Variants in LRRC1 observed in about 807,000 individuals in gnomAD.
LRRC1 encodes leucine-rich repeat-containing protein 1.
LRRC1 carries 28 observed loss-of-function variants against 69.9 expected under a neutral mutation model. The ratio of observed to expected loss-of-function variants is 0.40; its 90% CI spans 0.30 to 0.55. LRRC1 has a LOEUF of 0.55. LRRC1 is among the 20% of genes least tolerant of loss of function. The pLI is 0.47. For missense variants in LRRC1, 498 were observed against 609.0 expected, an observed-to-expected ratio of 0.82 and a Z score of 1.92; for synonymous variants, 236 against 240.2, an observed-to-expected ratio of 0.98 and a Z score of 0.16.
chr6:53,832,108 C>G (rs899085533), intron 1 of LRRC1, among the ~76,000 whole-genome samples: 2 of 152,154 alleles, frequency 1.3e-5, no homozygotes, highest in African/African-American at 4.8e-5. Context: ...TCATAGGAAT[C>G]TTTGATCCTA....
At chr6:53,882,852 A>G (rs538964107) in intron 3 of LRRC1, 35 bp from the exon 4 acceptor site, 2 of 1,389,100 alleles carry the variant, frequency 1.4e-6, no homozygotes, top group East Asian at 4.6e-5. Context: ...GAACTTTTTT[A>G]ATTTACAGCG....
intron 1 of LRRC1, among the ~76,000 whole-genome samples, chr6:53,821,918 T>C (rs1765128505): frequency 6.7e-6 from 1 of 150,108 alleles, no homozygotes; most frequent in African/African-American, 2.4e-5. Context: ...GTTTTTCTCT[T>C]TTTTTTTTAG....
chr6:53,866,102 A>G (rs1194520741), intron 2 of LRRC1, among the ~76,000 whole-genome samples: 2 of 152,100 alleles, frequency 1.3e-5, no homozygotes. Flanking sequence ...GAGGAGACCA[A>G]GAAAGCATAT....
chr6:53,873,840 T>G (rs1437040356), intron 2 of LRRC1, among the ~76,000 whole-genome samples: 1 of 152,240 alleles, frequency 6.6e-6, no homozygotes, highest in African/African-American at 2.4e-5. Flanking sequence ...GAAAAAAGCT[T>G]TCAACTTTTC....
intron 4 of LRRC1, among the ~76,000 whole-genome samples, chr6:53,895,408 G>A (rs1767837775): frequency 6.6e-6 from 1 of 152,172 alleles, no homozygotes; most frequent in African/African-American, 2.4e-5. Flanking sequence ...ATTTCTGGAT[G>A]TTATAAAACC....
At chr6:53,857,903 T>C (rs191778018) in intron 2 of LRRC1, among the ~76,000 whole-genome samples, 36 of 152,374 alleles carry the variant, frequency 2.4e-4, no homozygotes, top group Admixed American at 2.0e-4. Flanking sequence ...TGAGCAATTA[T>C]TCTGGTGGTA....
At chr6:53,871,654 GTTTGT>G (rs991914328) in intron 2 of LRRC1, among the ~76,000 whole-genome samples, 2 of 152,016 alleles carry the variant, frequency 1.3e-5, no homozygotes, top group East Asian at 1.9e-4. Context: ...AATCCCATCT[GTTTGT>G]TTTGTTTTGT....
intron 11 of LRRC1, among the ~76,000 whole-genome samples, chr6:53,918,057 C>A (rs934635126): frequency 2.0e-5 from 3 of 152,200 alleles, no homozygotes; most frequent in African/African-American, 7.2e-5. Flanking sequence ...CCTGAGGTTC[C>A]CTCAGGTGTC....
At chr6:53,870,314 C>T (rs1200173550) in intron 2 of LRRC1, among the ~76,000 whole-genome samples, 1 of 152,144 alleles carries the variant, frequency 6.6e-6, no homozygotes, top group African/African-American at 2.4e-5. Flanking sequence ...AAGCCTTCTA[C>T]CTAACAGACA....
At chr6:53,815,561 C>G (rs1354185124) in intron 1 of LRRC1, among the ~76,000 whole-genome samples, 2 of 152,184 alleles carry the variant, frequency 1.3e-5, no homozygotes, top group Non-Finnish European at 2.9e-5. Context: ...AGGTCCAGTC[C>G]TCTCCTCTTA....
chr6:53,916,875 T>G (rs546332646), intron 11 of LRRC1, among the ~76,000 whole-genome samples: 50 of 152,298 alleles, frequency 3.3e-4, no homozygotes, highest in Admixed American at 3.3e-3. Context: ...GGGTTGGTCA[T>G]GGACATAACT....
chr6:53,835,321 G>T (rs1385923802), intron 1 of LRRC1, among the ~76,000 whole-genome samples: 1 of 152,164 alleles, frequency 6.6e-6, no homozygotes, highest in Admixed American at 6.5e-5. Flanking sequence ...GTGCTAACAG[G>T]ATTTTCATTT....
At chr6:53,835,847 T>G (rs543794221) in intron 1 of LRRC1, among the ~76,000 whole-genome samples, 48 of 152,340 alleles carry the variant, frequency 3.2e-4, no homozygotes, top group African/African-American at 1.0e-3. Flanking sequence ...TCATTTAATC[T>G]ACCAATTTTT....
At chr6:53,895,854 C>CATT (rs1333576981) in intron 4 of LRRC1, among the ~76,000 whole-genome samples, 1 of 152,192 alleles carries the variant, frequency 6.6e-6, no homozygotes, top group Non-Finnish European at 1.5e-5. Flanking sequence ...ATAAAAGCAA[C>CATT]ATTATTATAG....
At chr6:53,907,155 T>C (rs1249034651) in intron 10 of LRRC1, among the ~76,000 whole-genome samples, 1 of 152,242 alleles carries the variant, frequency 6.6e-6, no homozygotes, top group Admixed American at 6.5e-5. Context: ...CCAAGCTTGA[T>C]GCCATTTGAT....
chr6:53,819,524 G>C (rs1457116110), intron 1 of LRRC1, among the ~76,000 whole-genome samples: 2 of 152,098 alleles, frequency 1.3e-5, no homozygotes, highest in African/African-American at 4.8e-5. Context: ...GGAATGAGGA[G>C]GTACTTTGTC....
At chr6:53,884,128 C>T in intron 4 of LRRC1, 1 of 627,504 alleles carries the variant, frequency 1.6e-6, no homozygotes, top group Non-Finnish European at 2.9e-6. Context: ...GTATCAGTTG[C>T]AGAGAAAACA....
At chr6:53,867,562 A>G (rs1327042453) in intron 2 of LRRC1, among the ~76,000 whole-genome samples, 2 of 152,338 alleles carry the variant, frequency 1.3e-5, no homozygotes, top group East Asian at 1.9e-4. Context: ...ATTCTTAGAC[A>G]TTTTATAAAT....
intron 11 of LRRC1, 99 bp downstream of exon 11, chr6:53,914,068 C>T: frequency 2.6e-6 from 2 of 762,700 alleles, no homozygotes; most frequent in South Asian, 3.5e-5. Flanking sequence ...CTTTATCTTA[C>T]AGAATATAAT....
Sources: allele counts gnomAD v4.1 joint callset (sites outside exome capture counted in the v4.1 genomes callset), GRCh38; gene constraint gnomAD v4.1.1; transcripts MANE v1.5; gene names NCBI Gene and HGNC (gene_info 2026-07-23, HGNC 2026-07-21).